SDK2: variants seen among roughly 807,000 people sequenced by gnomAD.
SDK2 encodes protein sidekick-2.
Under a neutral mutation model 253.9 loss-of-function variants are expected in SDK2, and 105 were observed. The ratio of observed to expected loss-of-function variants is 0.41; its 90% CI spans 0.35 to 0.49. SDK2 has a LOEUF of 0.49. Among genes scored for constraint, SDK2 ranks in the 20% least tolerant of loss-of-function variants. The pLI, the probability that SDK2 is intolerant of heterozygous loss-of-function variation, is 0.06. For synonymous variants in SDK2, 1,249 were observed against 1,234.9 expected (o/e 1.01, Z -0.24); for missense variants, 2,608 against 3,003.0 (o/e 0.87, Z 3.07).
intron 36 of SDK2, among the ~76,000 whole-genome samples, chr17:73,378,539 C>A (rs2062803012): frequency 6.6e-6 from 1 of 152,042 alleles, no homozygotes; most frequent in Admixed American, 6.6e-5. Flanking sequence ...CCTGCCTCAG[C>A]CTCTCGAATA....
chr17:73,352,710 A>G lies in SDK2; in HGVS notation c.5594-73T>C, dbSNP rs2062550402. 4 of 1,507,690 alleles carry G rather than the reference A, an allele frequency of 2.7e-6. No individual in the cohort carries two copies. Among genetic ancestry groups the G allele is most frequent in the Admixed American group, 1.8e-5 (1 of 55,672 alleles). 93.4% of individuals were successfully genotyped at this position (1,507,690 alleles called of 1,614,324 possible). ...AAATCCCGCTCCCAGCCCCGTTCTG[A>G]CTATGCTCCCTGAGGGCTGGGCCTG... On this transcript the variant is annotated intron_variant, in intron 40 of 44. Coordinates refer to ENST00000392650, the MANE Select transcript of SDK2 (RefSeq NM_001144952.2). The surrounding 1 kb of genome is among the most constrained non-coding windows in gnomAD (Gnocchi z 4.1).
At chr17:73,392,143 T>C (rs1479804022) in intron 27 of SDK2, among the ~76,000 whole-genome samples, 2 of 151,568 alleles carry the variant, frequency 1.3e-5, no homozygotes, top group African/African-American at 4.8e-5. Flanking sequence ...GAGATGAAGA[T>C]TGAATGGAGT....
chr17:73,401,715 G>A lies in SDK2; in HGVS notation c.2718C>T (p.Ile906=), dbSNP rs1328565070. 6.3e-7 allele frequency: 1 copy of A among 1,592,810 alleles called. No homozygotes were observed. Among genetic ancestry groups the A allele is most frequent in the South Asian group, 1.1e-5 (1 of 87,452 alleles). ...GPVGHLSFSE[I]LDTSLKVSWQ... ...AGCTGACCTTCAGCGATGTGTCCAG[G>A]ATCTCACTGAAGCTCAGGTGTCCCA... Residue 906 remains isoleucine (I), a synonymous_variant, in exon 20 of 45, where the codon ATC becomes ATT. Coordinates refer to ENST00000392650, the MANE Select transcript of SDK2 (RefSeq NM_001144952.2).
intron 1 of SDK2, among the ~76,000 whole-genome samples, chr17:73,543,887 T>G (rs575565717): frequency 1.2e-4 from 18 of 152,236 alleles, no homozygotes; most frequent in African/African-American, 4.1e-4. Flanking sequence ...TCCCAGACAC[T>G]CATCACGGGG....
At chr17:73,630,270 C>A (rs2046251851) in intron 1 of SDK2, among the ~76,000 whole-genome samples, 1 of 152,180 alleles carries the variant, frequency 6.6e-6, no homozygotes, top group Non-Finnish European at 1.5e-5. Context: ...CCTCCCAGAC[C>A]CACTGCTTCA....
chr17:73,417,363 G>A (rs891441841), intron 16 of SDK2, among the ~76,000 whole-genome samples: 80 of 150,348 alleles, frequency 5.3e-4, no homozygotes, highest in African/African-American at 1.8e-3. Context: ...CTGAGAGTAC[G>A]CCACTGCACT....
Position 73,412,167 on chromosome 17 carries a change from T to TGC in SDK2, c.2484+2476_2484+2477insGC, listed in dbSNP as rs1369766105. Among the ~76,000 whole-genome samples the TGC allele has an allele frequency of 1.3e-3, 188 of 146,712 alleles. 1 individual carries two copies. The highest frequency in any genetic ancestry group is 4.4e-3 in the African/African-American group (174 of 39,706). On this transcript the variant is annotated intron_variant, in intron 18 of 44. Coordinates refer to ENST00000392650, the MANE Select transcript of SDK2 (RefSeq NM_001144952.2). ...ATGTATATATACGTATATATGTATA[T>TGC]ACACATATATGTATATGCACATACA...
intron 1 of SDK2, among the ~76,000 whole-genome samples, chr17:73,575,722 G>A (rs1819252946): frequency 6.6e-6 from 1 of 152,250 alleles, no homozygotes; most frequent in South Asian, 2.1e-4. Context: ...TGGAATTAAA[G>A]TTGAATAGAC....
chr17:73,591,896 TAAG>T (rs2045687204), intron 1 of SDK2, among the ~76,000 whole-genome samples: 1 of 151,958 alleles, frequency 6.6e-6, no homozygotes. Context: ...ACTAAAACGG[TAAG>T]AGTGGCCAGG....
chr17:73,632,659 T>A (rs532680302), intron 1 of SDK2, among the ~76,000 whole-genome samples: 1 of 152,358 alleles, frequency 6.6e-6, no homozygotes, highest in South Asian at 2.1e-4. Flanking sequence ...ATCTGTCTTG[T>A]TAGTTTTGTC....
chr17:73,546,996 T>G, intron 1 of SDK2, among the ~76,000 whole-genome samples: 1 of 152,216 alleles, frequency 6.6e-6, no homozygotes, highest in East Asian at 1.9e-4. Flanking sequence ...AAGCCGGACT[T>G]GACTCTGGAG....
chr17:73,431,261 T>C lies in SDK2; in HGVS notation c.1480+241A>G, dbSNP rs112530467. ...TATATGAAGGCAGCTCTCCTATAACTTCAATGTTCTCTCAAGTCGGCCAAG... is the reference window on the plus strand; with the variant it reads ...TATATGAAGGCAGCTCTCCTATAACCTCAATGTTCTCTCAAGTCGGCCAAG... On this transcript the variant is annotated intron_variant, in intron 11 of 44. Transcript: ENST00000392650. This position sits in a 1 kb window ranked among gnomAD's most constrained non-coding sequence, Gnocchi z 5.6. Among the ~76,000 whole-genome samples, 214 of 152,294 alleles carry C rather than the reference T, an allele frequency of 1.4e-3. 1 individual carries two copies. Among genetic ancestry groups the C allele is most frequent in the African/African-American group, 4.7e-3 (195 of 41,560 alleles).
At chr17:73,581,559 G>A (rs937920285) in intron 1 of SDK2, among the ~76,000 whole-genome samples, 25 of 152,374 alleles carry the variant, frequency 1.6e-4, no homozygotes, top group Middle Eastern at 6.8e-3. Flanking sequence ...AGTGGGCGCT[G>A]AGCTGTGACC....
Position 73,384,026 on chromosome 17 carries a change from TA to T in SDK2, c.4570-16del. Reference sequence around the variant, plus strand: ...TCTGCTGGCGGCTGCAGGAAGGGAGTAGGGCATGGGGAGGGCACCTGGACCA... The same window carrying T: ...TCTGCTGGCGGCTGCAGGAAGGGAGTGGGCATGGGGAGGGCACCTGGACCA... On this transcript the variant is annotated splice_polypyrimidine_tract_variant and intron_variant, in intron 32 of 44. Transcript: ENST00000392650. 1 of 1,611,796 alleles carries T rather than the reference TA, an allele frequency of 6.2e-7. No individual in the cohort carries two copies. Among genetic ancestry groups the T allele is most frequent in the Non-Finnish European group, 8.5e-7 (1 of 1,179,130 alleles).
chr17:73,338,349 G>C lies in SDK2; in HGVS notation c.*238C>G, dbSNP rs1211420930. On this transcript the variant is annotated 3_prime_UTR_variant, in exon 45 of 45. Transcript: ENST00000392650. The surrounding 1 kb of genome is among the most constrained non-coding windows in gnomAD (Gnocchi z 5.0). ...CCCCAGCTCCGTGTAATTCCCAAGG[G>C]AGCAGTGAACCCCACCATCTCAAAG... The C allele has an allele frequency of 1.5e-6, 1 of 665,582 alleles. No homozygotes were observed. Among genetic ancestry groups the C allele is most frequent in the African/African-American group, 1.8e-5 (1 of 56,614 alleles). 41.2% of individuals were successfully genotyped at this position (665,582 alleles called of 1,614,324 possible).
At chr17:73,354,078 G>T (rs2062564596) in intron 40 of SDK2, among the ~76,000 whole-genome samples, 2 of 152,088 alleles carry the variant, frequency 1.3e-5, no homozygotes, top group Admixed American at 1.3e-4. Context: ...GTCTCGCTCG[G>T]TTGCCAAGGC....
intron 36 of SDK2, 118 bp from the exon 37 acceptor site, chr17:73,368,711 C>T (rs1237632434): frequency 1.3e-5 from 12 of 923,908 alleles, no homozygotes; most frequent in East Asian, 5.7e-5. Context: ...TGGGAAACAG[C>T]GGAGAAGTCT....
chr17:73,430,441 C>T (rs140713113), intron 12 of SDK2, 70 bp downstream of exon 12: 41 of 1,196,490 alleles, frequency 3.4e-5, no homozygotes, highest in Admixed American at 6.0e-5. Flanking sequence ...TGTGGACACT[C>T]GCCCAGCTAC....
intron 1 of SDK2, among the ~76,000 whole-genome samples, chr17:73,569,386 C>T (rs1028938052): frequency 6.6e-5 from 10 of 151,922 alleles, no homozygotes; most frequent in African/African-American, 2.2e-4. Context: ...TTAGTAGAGA[C>T]GGGGTTTCAC....
Sources: allele counts gnomAD v4.1 joint callset (sites outside exome capture counted in the v4.1 genomes callset), GRCh38; gene constraint gnomAD v4.1.1; non-coding constraint Gnocchi (gnomAD v3.1); transcripts MANE v1.5; gene names NCBI Gene and HGNC (gene_info 2026-07-23, HGNC 2026-07-21).